Variants in CRAMP1 observed in about 807,000 individuals in gnomAD.
The protein encoded by CRAMP1 is cramped chromatin regulator 1, also known as protein cramped-like.
CRAMP1 carries 50 observed loss-of-function variants against 115.4 expected under a neutral mutation model. The observed-to-expected ratio is 0.43, with a 90% confidence interval of 0.35 to 0.55. The LOEUF is 0.55. Ranked by LOEUF, CRAMP1 falls within the 20% of genes least tolerant of loss-of-function variation. The pLI, the probability that CRAMP1 is intolerant of heterozygous loss-of-function variation, is 0.01. For synonymous variants in CRAMP1, 866 were observed against 745.4 expected (o/e 1.16, Z -2.64); for missense variants, 1,679 against 1,721.7 (o/e 0.98, Z 0.44).
At chr16:1,645,056 A>C (rs926970352) in intron 6 of CRAMP1, among the ~76,000 whole-genome samples, 1 of 108,516 alleles carries the variant, frequency 9.2e-6, no homozygotes, top group Non-Finnish European at 1.7e-5. Flanking sequence ...TTTTTGTCAT[A>C]GTTATAGAAG....
chr16:1,661,452 T>C (rs1596496254), intron 11 of CRAMP1, among the ~76,000 whole-genome samples: 1 of 23,460 alleles, frequency 4.3e-5, no homozygotes, highest in African/African-American at 2.1e-4. Context: ...CCTGGCCTCC[T>C]GGGTGACGGA....
At chr16:1,632,072 G>C in intron 3 of CRAMP1, 140 bp from the exon 4 acceptor site, 1 of 884,038 alleles carries the variant, frequency 1.1e-6, no homozygotes, top group Non-Finnish European at 1.7e-6. Flanking sequence ...TTCATACACA[G>C]ATAAGAGCTT....
chr16:1,628,106 A>G (rs1233577156), intron 3 of CRAMP1, among the ~76,000 whole-genome samples: 1 of 152,130 alleles, frequency 6.6e-6, no homozygotes, highest in Non-Finnish European at 1.5e-5. Context: ...GAGTTTTTCT[A>G]TCGGGTAGAT....
chr16:1,618,074 C>T (rs1405255634), intron 2 of CRAMP1, among the ~76,000 whole-genome samples: 1 of 152,240 alleles, frequency 6.6e-6, no homozygotes, highest in Non-Finnish European at 1.5e-5. Context: ...CAGAAACCAT[C>T]TGAAAGACAT....
chr16:1,672,837 C>T lies in CRAMP1; in HGVS notation c.3646-1044C>T, dbSNP rs1394807459. ...CCGGTGCCGAGGCCCTCCCGTCCTCCGTCTCCTCAGCTCTGTGCTGCCTCA... is the reference window on the plus strand; with the variant it reads ...CCGGTGCCGAGGCCCTCCCGTCCTCTGTCTCCTCAGCTCTGTGCTGCCTCA... On this transcript the variant is annotated intron_variant, in intron 20 of 20. Coordinates refer to ENST00000397412, the MANE Select transcript of CRAMP1 (RefSeq NM_020825.4). This position sits in a 1 kb window ranked among gnomAD's most constrained non-coding sequence, Gnocchi z 4.9. 2.0e-5 allele frequency among the ~76,000 whole-genome samples: 3 copies of T among 152,366 alleles called. No homozygotes were observed. Among genetic ancestry groups the T allele is most frequent in the South Asian group, 4.1e-4 (2 of 4,830 alleles).
At chr16:1,668,976 T>C (rs764382406) in intron 18 of CRAMP1, 25 bp from the exon 19 acceptor site, 600 of 1,612,388 alleles carry the variant, frequency 3.7e-4, no homozygotes, top group Non-Finnish European at 4.8e-4. Flanking sequence ...ACAAGGCGTT[T>C]CTGATCTGGG....
intron 6 of CRAMP1, among the ~76,000 whole-genome samples, chr16:1,651,495 G>T (rs987710866): frequency 1.2e-4 from 18 of 151,070 alleles, no homozygotes; most frequent in African/African-American, 4.4e-4. Flanking sequence ...TCTAGAGGTG[G>T]ATTGAGGTCA....
At chr16:1,629,680 G>T (rs192030623) in intron 3 of CRAMP1, among the ~76,000 whole-genome samples, 149 of 152,320 alleles carry the variant, frequency 9.8e-4, no homozygotes, top group African/African-American at 3.4e-3. Flanking sequence ...GGTTCTTGCC[G>T]AGGCCCAGGG....
At chr16:1,659,509 T>G (rs1417963941) in intron 10 of CRAMP1, among the ~76,000 whole-genome samples, 1 of 152,068 alleles carries the variant, frequency 6.6e-6, no homozygotes, top group Non-Finnish European at 1.5e-5. Flanking sequence ...TGCCTCAGCC[T>G]CCAGAGTAGC....
chr16:1,632,098 T>G (rs951665363), intron 3 of CRAMP1, 114 bp from the exon 4 acceptor site: 1 of 1,151,008 alleles, frequency 8.7e-7, no homozygotes, highest in African/African-American at 1.6e-5. Context: ...GGCTGCTTGT[T>G]TGACTACAGC....
chr16:1,647,062 G>A (rs915006570), intron 6 of CRAMP1: 1 of 702,982 alleles, frequency 1.4e-6, no homozygotes, highest in African/African-American at 1.7e-5. Flanking sequence ...CAAGGTGAGA[G>A]ATTGGGAAAA....
chr16:1,659,038 C>T (rs1405638774), intron 10 of CRAMP1, among the ~76,000 whole-genome samples: 1 of 152,156 alleles, frequency 6.6e-6, no homozygotes, highest in Non-Finnish European at 1.5e-5. Flanking sequence ...CTGCACATCC[C>T]CTGGGGTTGG....
chr16:1,674,151 C>G lies in CRAMP1; in HGVS notation c.*106C>G, dbSNP rs2036947129. 2 of 1,146,400 alleles carry G rather than the reference C, an allele frequency of 1.7e-6. No individual in the cohort carries two copies. Among genetic ancestry groups the G allele is most frequent in the African/African-American group, 1.6e-5 (1 of 64,402 alleles). The allele number at this position is 1,146,400 out of a possible 1,614,324, so 71.0% of individuals were successfully genotyped here. A position where few individuals can be genotyped will look rare whatever the true frequency, so the allele number is the denominator to read the frequency against. On this transcript the variant is annotated 3_prime_UTR_variant, in exon 21 of 21. Transcript: ENST00000397412. ...AACAGAGGCATCTCCGCACCCAAGA[C>G]TGTGCAACGGGCAGGAACGTGGTCA...
intron 11 of CRAMP1, among the ~76,000 whole-genome samples, chr16:1,660,436 C>CA (rs1367276336): frequency 6.6e-6 from 1 of 152,062 alleles, no homozygotes; most frequent in Non-Finnish European, 1.5e-5. Context: ...TGTAAAACCT[C>CA]AGAATAGAGA....
intron 6 of CRAMP1, among the ~76,000 whole-genome samples, chr16:1,645,892 A>G (rs2036670403): frequency 6.7e-6 from 1 of 148,332 alleles, no homozygotes; most frequent in African/African-American, 2.6e-5. Flanking sequence ...ACCACTGTCA[A>G]GATATGGAAC....
Position 1,652,581 on chromosome 16 carries a change from G to C in CRAMP1, c.913G>C (p.Gly305Arg). 1.3e-6 allele frequency: 2 copies of C among 1,552,376 alleles called. No individual in the cohort carries two copies. Among genetic ancestry groups the C allele is most frequent in the Non-Finnish European group, 1.7e-6 (2 of 1,147,270 alleles). ...CCTGAAGAAGCTGTGCGATCCAGAT[G>C]GTAAGTGAATGGGGCGCTCCCGGGA... ...RALKKLCDPD[G>R]LSDEEDQKPV... Residue 305 changes from glycine (G) to arginine (R), a missense_variant and splice_region_variant, in exon 7 of 21, where the codon GGC (glycine) becomes CGC (arginine). By Grantham distance (125) the Gly-to-Arg change is moderately radical. Coordinates refer to ENST00000397412, the MANE Select transcript of CRAMP1 (RefSeq NM_020825.4).
At chr16:1,645,741 C>T (rs1463122067) in intron 6 of CRAMP1, among the ~76,000 whole-genome samples, 2 of 152,206 alleles carry the variant, frequency 1.3e-5, no homozygotes, top group Non-Finnish European at 2.9e-5. Flanking sequence ...CCAGCAGCCT[C>T]TAGTCTCCCG....
chr16:1,671,940 T>C lies in CRAMP1; in HGVS notation c.3645+1131T>C, dbSNP rs2036926640. ...CCTCCATCTCACAGTGTGTGGCGTT[T>C]CTCAAACCTGTTTGGCCCCAGAATC... On this transcript the variant is annotated intron_variant, in intron 20 of 20. Coordinates refer to ENST00000397412, the MANE Select transcript of CRAMP1 (RefSeq NM_020825.4). The surrounding 1 kb of genome is among the most constrained non-coding windows in gnomAD (Gnocchi z 5.0). 6.6e-6 allele frequency among the ~76,000 whole-genome samples: 1 copy of C among 152,222 alleles called. No individual in the cohort carries two copies. The highest frequency in any genetic ancestry group is 2.1e-4 in the South Asian group (1 of 4,824).
rs2036781213 is a variant in CRAMP1 at position 1,656,920 on chromosome 16, C to T, written c.2163C>T (p.Pro721=). The stretch of plus-strand genomic sequence containing the variant: ...AGGACCCCCGCCCCGGCTCCCTACC[C>T]ACCGCCCTCCACAAGCAGCGCCTCC... ...GRQDPRPGSL[P]TALHKQRLLS... Residue 721 remains proline (P), a synonymous_variant, in exon 10 of 21, where the codon CCC becomes CCT. Transcript: ENST00000397412. The surrounding 1 kb of genome is among the most constrained non-coding windows in gnomAD (Gnocchi z 5.6). 1.9e-6 allele frequency: 3 copies of T among 1,555,724 alleles called. No homozygotes were observed. Among genetic ancestry groups the T allele is most frequent in the Non-Finnish European group, 2.6e-6 (3 of 1,150,208 alleles).
Sources: gnomAD v4.1 joint callset for allele counts (sites outside exome capture counted in the v4.1 genomes callset) on GRCh38, gnomAD v4.1.1 for gene constraint, Gnocchi (gnomAD v3.1) non-coding constraint, MANE v1.5 for transcripts, NCBI Gene and HGNC (gene_info 2026-07-23, HGNC 2026-07-21) for gene names.